The following SLC25A26 variants were observed in gnomAD, a reference collection of about 807,000 sequenced individuals.
SLC25A26 encodes mitochondrial S-adenosylmethionine carrier protein.
Under a neutral mutation model 37.8 loss-of-function variants are expected in SLC25A26, and 36 were observed. The ratio of observed to expected loss-of-function variants is 0.95; its 90% CI spans 0.73 to 1.26. The LOEUF (loss-of-function observed/expected upper bound fraction) is 1.26, where lower values mean the gene tolerates loss of function less well. Among genes scored for constraint, SLC25A26 ranks in the 50% most tolerant of loss-of-function variants. The pLI is 0.00. For missense variants in SLC25A26, 390 were observed against 331.1 expected (o/e 1.18, Z -1.38); for synonymous variants, 129 against 122.5 (o/e 1.05, Z -0.35).
At chr3:66,261,993 A>G in intron 3 of SLC25A26, 58 bp from the exon 4 acceptor site, 2 of 1,082,872 alleles carry the variant, frequency 1.8e-6, no homozygotes, top group Non-Finnish European at 2.7e-6. Context: ...TTACCAAAAA[A>G]TTTCAATTTT....
At chr3:66,314,874 A>G (rs2075488115) in intron 5 of SLC25A26, among the ~76,000 whole-genome samples, 1 of 151,672 alleles carries the variant, frequency 6.6e-6, no homozygotes, top group African/African-American at 2.4e-5. Flanking sequence ...GTCCAGGAAT[A>G]TATCCATTTC....
At chr3:66,295,122 G>T (rs1215522154) in intron 5 of SLC25A26, among the ~76,000 whole-genome samples, 4 of 152,058 alleles carry the variant, frequency 2.6e-5, no homozygotes, top group African/African-American at 9.7e-5. Flanking sequence ...TTGTAACTCA[G>T]AGGATGTTAA....
At chr3:66,145,005 G>A (rs1270825203) in intron 1 of SLC25A26, among the ~76,000 whole-genome samples, 3 of 152,148 alleles carry the variant, frequency 2.0e-5, no homozygotes, top group Admixed American at 6.5e-5. Flanking sequence ...TCAGAGCCAC[G>A]AGGGAGTGGT....
In SLC25A26 at chr3:66,374,122, CTTCA is replaced by C. The variant is rs535897621; in HGVS notation, c.707+3523_707+3526del. The stretch of plus-strand genomic sequence containing the variant: ...TCACTGGCATATGCACTAGTTTTGC[CTTCA>C]TTAACTCTTTCTGCTTACAGAAGTA... On this transcript the variant is annotated intron_variant, in intron 9 of 9. Coordinates refer to ENST00000354883, the MANE Select transcript of SLC25A26 (RefSeq NM_001379210.1). 2.0e-3 allele frequency among the ~76,000 whole-genome samples: 299 copies of C among 152,292 alleles called. 1 individual carries two copies. Among genetic ancestry groups the C allele is most frequent in the Non-Finnish European group, 3.8e-3 (260 of 68,024 alleles).
At chr3:66,268,788 T>G (rs772746192) in intron 5 of SLC25A26, among the ~76,000 whole-genome samples, 3 of 152,204 alleles carry the variant, frequency 2.0e-5, no homozygotes, top group Non-Finnish European at 4.4e-5. Context: ...GTTTCCCTCA[T>G]GCTCTTGAGA....
intron 9 of SLC25A26, among the ~76,000 whole-genome samples, chr3:66,375,058 G>A (rs1700567813): frequency 6.6e-6 from 1 of 152,172 alleles, no homozygotes; most frequent in Middle Eastern, 3.2e-3. Flanking sequence ...ATACACAAAT[G>A]ATAAGTGTAA....
rs777843323 is a variant in SLC25A26 at position 66,162,912 on chromosome 3, G to C, written c.-354+28928G>C. Among the ~76,000 whole-genome samples, 3 of 152,216 alleles carry C rather than the reference G, an allele frequency of 2.0e-5. No homozygotes were observed. The South Asian group carries it at 6.2e-4, about 32-fold the overall frequency. On this transcript the variant is annotated intron_variant, in intron 1 of 10. Coordinates refer to the SLC25A26 transcript ENST00000676754. ...AGCTGAGAAAGCTTAGGCTCAGAGA[G>C]ATAGAGGAACTTGCTTCATTAAGGC...
intron 5 of SLC25A26, 42 bp from the exon 6 acceptor site, chr3:66,346,322 C>T (rs1292823236): frequency 1.3e-5 from 15 of 1,195,286 alleles, no homozygotes; most frequent in Admixed American, 2.7e-5. Context: ...AAACTTGGCT[C>T]TTTTTTGCCT....
At chr3:66,226,371 A>G (rs1334509261) in intron 1 of SLC25A26, among the ~76,000 whole-genome samples, 12 of 152,316 alleles carry the variant, frequency 7.9e-5, no homozygotes, top group South Asian at 2.1e-4. Flanking sequence ...CCATGATTCA[A>G]TTACCTCCCA....
rs1576639329 is a variant in SLC25A26, at chr3:66,209,037, G to GGTGTAT, written c.-353-11704_-353-11699dup. ...ATATATATATACACACCCATATAAA[G>GGTGTAT]GTGTATATATATATATATATATATA... On this transcript the variant is annotated intron_variant, in intron 1 of 10. Coordinates refer to the SLC25A26 transcript ENST00000676754. Among the ~76,000 whole-genome samples, 23 of 15,768 alleles carry GGTGTAT rather than the reference G, an allele frequency of 1.5e-3. 1 individual carries two copies. The highest frequency in any genetic ancestry group is 0.014 in the South Asian group (4 of 296). 10.3% of individuals were successfully genotyped at this position (15,768 alleles called of 152,430 possible). A position where few individuals can be genotyped will look rare whatever the true frequency, so the allele number is the denominator to read the frequency against.
chr3:66,339,065 A>G (rs1233277594), intron 5 of SLC25A26, among the ~76,000 whole-genome samples: 2 of 151,982 alleles, frequency 1.3e-5, no homozygotes, highest in Admixed American at 6.6e-5. Flanking sequence ...GTTTTCAGTT[A>G]TTTTGGCTGT....
rs1349168946 is a variant in SLC25A26 at position 66,378,227 on chromosome 3, G to T, written c.*420G>T. The T allele has an allele frequency of 6.4e-6, 1 of 155,610 alleles. No homozygotes were observed. The highest frequency in any genetic ancestry group is 2.4e-5 in the African/African-American group (1 of 41,572). 9.6% of individuals were successfully genotyped at this position (155,610 alleles called of 1,614,324 possible). A position where few individuals can be genotyped will look rare whatever the true frequency, so the allele number is the denominator to read the frequency against. The stretch of plus-strand genomic sequence containing the variant: ...TTGGGAAAAGGAGACTTGGGGAAGA[G>T]TTGTGTATGTGGGTGTTTCTCCCCC... On this transcript the variant is annotated 3_prime_UTR_variant, in exon 10 of 10. Transcript: ENST00000354883.
At chr3:66,239,811 T>C (rs1399397441) in intron 2 of SLC25A26, among the ~76,000 whole-genome samples, 1 of 140,912 alleles carries the variant, frequency 7.1e-6, no homozygotes, top group African/African-American at 2.6e-5. Context: ...GAGTTTCCTT[T>C]CTTTCTTTTT....
chr3:66,218,585 A>G (rs979104952), upstream of SLC25A26, among the ~76,000 whole-genome samples: 1 of 152,232 alleles, frequency 6.6e-6, no homozygotes, highest in Non-Finnish European at 1.5e-5. Context: ...GCTTTTGGGT[A>G]GTCCAGCCCC....
At chr3:66,216,140 C>T (rs941880921), upstream of SLC25A26, among the ~76,000 whole-genome samples, 1,661 of 152,274 alleles carry the variant, frequency 0.011, 107 homozygotes, top group East Asian at 0.18. Context: ...AGCCCCACCT[C>T]TTATCACACT....
At chr3:66,209,137 T>TTTTA (rs2071235186) in intron 1 of SLC25A26, among the ~76,000 whole-genome samples, 1 of 94,042 alleles carries the variant, frequency 1.1e-5, no homozygotes, top group Non-Finnish European at 2.1e-5. Flanking sequence ...TATATACCTT[T>TTTTA]TATATATATA....
At chr3:66,263,525 A>G in intron 5 of SLC25A26, 146 bp downstream of exon 5, 4 of 631,324 alleles carry the variant, frequency 6.3e-6, no homozygotes, top group Non-Finnish European at 8.4e-6. Flanking sequence ...CTTCTGTTAA[A>G]TTTTCTGAGT....
At position 66,237,502 on chromosome 3, in the gene SLC25A26, C is replaced by G. The variant is rs146295057; in HGVS notation, c.190+802C>G. The stretch of plus-strand genomic sequence containing the variant: ...TTAGAGAGCAGGTGAACCTAAGAGG[C>G]ATTACACATTTCTATCCTAATTAAA... On this transcript the variant is annotated intron_variant, in intron 2 of 9. Transcript: ENST00000354883. Among the ~76,000 whole-genome samples the G allele has an allele frequency of 3.4e-3, 518 of 152,338 alleles. 5 individuals are homozygous for G. Among genetic ancestry groups the G allele is most frequent in the African/African-American group, 0.012 (490 of 41,570 alleles).
chr3:66,317,821 C>T (rs916834178), intron 5 of SLC25A26, among the ~76,000 whole-genome samples: 1 of 152,170 alleles, frequency 6.6e-6, no homozygotes, highest in Non-Finnish European at 1.5e-5. Flanking sequence ...TGCTGAAATT[C>T]CCACAGGGAG....
Sources: gnomAD v4.1 joint callset for allele counts (sites outside exome capture counted in the v4.1 genomes callset) on GRCh38, gnomAD v4.1.1 for gene constraint, MANE v1.5 for transcripts, NCBI Gene and HGNC (gene_info 2026-07-23, HGNC 2026-07-21) for gene names.